MTMR7: variants seen among roughly 807,000 people sequenced by gnomAD.
MTMR7 encodes the protein phosphatidylinositol-3-phosphate phosphatase MTMR7.
Under a neutral mutation model 81.2 loss-of-function variants are expected in MTMR7, and 76 were observed. The observed-to-expected ratio is 0.94, with a 90% confidence interval of 0.78 to 1.13. MTMR7 has a LOEUF of 1.13. Among genes scored for constraint, MTMR7 ranks in the 50% most tolerant of loss-of-function variants. MTMR7 has a pLI of 0.00. For missense variants in MTMR7, 1,044 were observed against 820.0 expected, an observed-to-expected ratio of 1.27 and a Z score of -3.34; for synonymous variants, 372 against 289.8, an observed-to-expected ratio of 1.28 and a Z score of -2.88.
chr8:17,410,308 A>C (rs1435078218), intron 1 of MTMR7, among the ~76,000 whole-genome samples: 1 of 152,212 alleles, frequency 6.6e-6, no homozygotes, highest in Admixed American at 6.5e-5. Context: ...AAAGCATATA[A>C]AGTAGAAATC....
In MTMR7 at chr8:17,341,490, A is replaced by T; in HGVS notation, c.605T>A (p.Ile202Asn). Residue 202 changes from isoleucine to asparagine, a missense_variant, in exon 6 of 14, where the codon ATC (isoleucine) becomes AAC (asparagine). Coordinates refer to ENST00000180173, the MANE Select transcript of MTMR7 (RefSeq NM_004686.5). The part of the protein sequence containing the change: ...SYYYKDNHAS[I>N]CRSSQPLSGF... Reference sequence around the variant, plus strand: ...GGACAGGGGCTGGCTGCTCCGGCAGATGGAGGCCTAGGGGGAGAGGTCACA... The same window carrying T: ...GGACAGGGGCTGGCTGCTCCGGCAGTTGGAGGCCTAGGGGGAGAGGTCACA... 2 of 1,613,734 alleles carry T rather than the reference A, an allele frequency of 1.2e-6. No homozygotes were observed. The highest frequency in any genetic ancestry group is 3.3e-5 in the Admixed American group (2 of 60,022).
At chr8:17,399,253 AC>A (rs1480239091) in intron 1 of MTMR7, among the ~76,000 whole-genome samples, 1 of 152,188 alleles carries the variant, frequency 6.6e-6, no homozygotes, top group African/African-American at 2.4e-5. Context: ...CCACCAAAAA[AC>A]GATTCAAAAT....
At chr8:17,397,051 C>T (rs937732824) in intron 1 of MTMR7, among the ~76,000 whole-genome samples, 1 of 151,890 alleles carries the variant, frequency 6.6e-6, no homozygotes, top group Non-Finnish European at 1.5e-5. Context: ...AGAGCTCGGG[C>T]CCTGAATAAT....
At chr8:17,306,093 G>A in intron 10 of MTMR7, 136 bp from the exon 11 acceptor site, 1 of 701,726 alleles carries the variant, frequency 1.4e-6, no homozygotes, top group Admixed American at 3.4e-5. Context: ...TGACAAAAAA[G>A]GTAGAAAAGT....
chr8:17,389,936 T>C (rs1316637818), intron 1 of MTMR7, among the ~76,000 whole-genome samples: 1 of 152,164 alleles, frequency 6.6e-6, no homozygotes, highest in African/African-American at 2.4e-5. Context: ...AAATATTTAT[T>C]GTGCACCTTT....
intron 1 of MTMR7, among the ~76,000 whole-genome samples, chr8:17,382,572 C>T (rs918739685): frequency 6.6e-6 from 1 of 152,118 alleles, no homozygotes; most frequent in Non-Finnish European, 1.5e-5. Context: ...TCCATCCGTC[C>T]ATCCATCTTC....
intron 7 of MTMR7, among the ~76,000 whole-genome samples, chr8:17,323,458 G>C (rs1818512254): frequency 6.6e-6 from 1 of 152,074 alleles, no homozygotes; most frequent in Non-Finnish European, 1.5e-5. Context: ...AAATCTAACA[G>C]GGAACTCCAA....
chr8:17,353,608 A>G (rs537671753), intron 4 of MTMR7, among the ~76,000 whole-genome samples: 24 of 152,264 alleles, frequency 1.6e-4, no homozygotes, highest in African/African-American at 5.8e-4. Context: ...GCCTCTCAGG[A>G]TTTTGTCTGG....
At chr8:17,373,007 T>A (rs1450891726) in intron 2 of MTMR7, 111 bp downstream of exon 2, 3 of 1,319,018 alleles carry the variant, frequency 2.3e-6, no homozygotes, top group Non-Finnish European at 3.1e-6. Flanking sequence ...TTCCCCAACA[T>A]CCAGGCACAA....
At chr8:17,341,564 G>T (rs1349271674) in intron 5 of MTMR7, 67 bp from the exon 6 acceptor site, 52 of 1,565,956 alleles carry the variant, frequency 3.3e-5, no homozygotes, top group Non-Finnish European at 4.5e-5. Context: ...CACTCTACGT[G>T]TGTCTCCAGA....
chr8:17,372,884 G>C (rs1414479079), intron 2 of MTMR7: 1 of 428,006 alleles, frequency 2.3e-6, no homozygotes, highest in East Asian at 4.4e-5. Flanking sequence ...GTATCTTCTG[G>C]CTAGTTCTAA....
chr8:17,336,831 C>G (rs1321093039), intron 6 of MTMR7, among the ~76,000 whole-genome samples: 1 of 152,134 alleles, frequency 6.6e-6, no homozygotes, highest in East Asian at 1.9e-4. Context: ...AGGTGGTAAC[C>G]CCACAGAGCT....
chr8:17,301,932 T>G, intron 13 of MTMR7: 3 of 456,046 alleles, frequency 6.6e-6, no homozygotes, highest in Non-Finnish European at 1.1e-5. Flanking sequence ...AACCAAAAAT[T>G]TGTGGAACTG....
intron 3 of MTMR7, among the ~76,000 whole-genome samples, chr8:17,363,182 G>T (rs368293682): frequency 6.6e-6 from 1 of 152,182 alleles, no homozygotes; most frequent in East Asian, 1.9e-4. Context: ...CTCAGATCCT[G>T]TTCTGGGAAC....
chr8:17,316,080 T>C (rs764580578), intron 7 of MTMR7, among the ~76,000 whole-genome samples: 10 of 152,162 alleles, frequency 6.6e-5, no homozygotes, highest in South Asian at 2.1e-4. Flanking sequence ...CCTATGAAGA[T>C]TGTTAATATT....
intron 10 of MTMR7, among the ~76,000 whole-genome samples, chr8:17,307,578 C>T (rs1364152343): frequency 6.6e-6 from 1 of 152,152 alleles, no homozygotes; most frequent in Non-Finnish European, 1.5e-5. Flanking sequence ...TATAAAGACA[C>T]ATGCACATGA....
chr8:17,386,463 C>A (rs1189997640), intron 1 of MTMR7, among the ~76,000 whole-genome samples: 1 of 152,208 alleles, frequency 6.6e-6, no homozygotes, highest in African/African-American at 2.4e-5. Flanking sequence ...CTTATAGGAG[C>A]AAGAGACAGA....
intron 7 of MTMR7, among the ~76,000 whole-genome samples, chr8:17,325,588 G>A (rs776556398): frequency 1.3e-5 from 2 of 152,142 alleles, no homozygotes; most frequent in South Asian, 2.1e-4. Context: ...CTGAGCTGAC[G>A]CGGGGCCTGC....
chr8:17,302,375 T>C, intron 12 of MTMR7, 95 bp from the exon 13 acceptor site: 1 of 1,341,208 alleles, frequency 7.5e-7, no homozygotes, highest in African/African-American at 1.5e-5. Flanking sequence ...ACCACAGTCT[T>C]AATAATAACC....
Sources: gnomAD v4.1 joint callset for allele counts (sites outside exome capture counted in the v4.1 genomes callset) on GRCh38, gnomAD v4.1.1 for gene constraint, MANE v1.5 for transcripts, NCBI Gene and HGNC (gene_info 2026-07-23, HGNC 2026-07-21) for gene names.